Variants in MSH3 observed in about 807,000 individuals in gnomAD.
MSH3 encodes the protein DNA mismatch repair protein Msh3.
A neutral mutation model predicts 123.3 loss-of-function variants in MSH3; 106 were observed. That is an observed-to-expected ratio of 0.86 (90% confidence interval 0.73 to 1.01). MSH3 has a LOEUF of 1.01. Among genes scored for constraint, MSH3 ranks in the 50% least tolerant of loss-of-function variants. The pLI, the probability that MSH3 is intolerant of heterozygous loss-of-function variation, is 0.00. For missense variants in MSH3, 1,459 were observed against 1,347.6 expected, an observed-to-expected ratio of 1.08 and a Z score of -1.29; for synonymous variants, 515 against 481.4, an observed-to-expected ratio of 1.07 and a Z score of -0.91.
At chr5:80,811,717 GGATTGTTA>G (rs1343259014) in intron 19 of MSH3, among the ~76,000 whole-genome samples, 1 of 151,978 alleles carries the variant, frequency 6.6e-6, no homozygotes, top group Non-Finnish European at 1.5e-5. Flanking sequence ...AATAAATATA[GGATTGTTA>G]GATTTTCTAT....
At chr5:80,799,768 A>G (rs755123960) in intron 19 of MSH3, among the ~76,000 whole-genome samples, 1 of 151,954 alleles carries the variant, frequency 6.6e-6, no homozygotes, top group Non-Finnish European at 1.5e-5. Flanking sequence ...TTCACTTAAC[A>G]TTCCAGTTCT....
chr5:80,761,732 C>T, intron 13 of MSH3, 54 bp downstream of exon 13: 1 of 1,601,360 alleles, frequency 6.2e-7, no homozygotes, highest in Non-Finnish European at 8.5e-7. Flanking sequence ...CTTGAGGACA[C>T]TATATATTAA....
intron 3 of MSH3, among the ~76,000 whole-genome samples, chr5:80,668,071 C>T (rs1262461903): frequency 1.3e-5 from 2 of 152,152 alleles, no homozygotes; most frequent in Non-Finnish European, 2.9e-5. Flanking sequence ...GTGGGTGCTT[C>T]TTTCTGCAGG....
chr5:80,806,082 A>G (rs549862979), intron 19 of MSH3, among the ~76,000 whole-genome samples: 38 of 152,192 alleles, frequency 2.5e-4, no homozygotes, highest in African/African-American at 7.5e-4. Flanking sequence ...TCATTAATCA[A>G]TCTACTCAGA....
chr5:80,685,388 A>G (rs149254814), intron 8 of MSH3, among the ~76,000 whole-genome samples: 1 of 151,434 alleles, frequency 6.6e-6, no homozygotes, highest in African/African-American at 2.4e-5. Context: ...TTCGTGGTTC[A>G]ATCTTGGTGG....
In MSH3 at chr5:80,798,244, C is replaced by G. The variant is rs959919476; in HGVS notation, c.2655+5400C>G. ...AGGGTAGACATTGAGATGCTAGTCA[C>G]AGTCCCTTCTTGTGAGATCAAGATG... On this transcript the variant is annotated intron_variant, in intron 19 of 23. Transcript: ENST00000265081. 5.9e-5 allele frequency among the ~76,000 whole-genome samples: 9 copies of G among 152,262 alleles called. 2 individuals are homozygous for G. The highest frequency in any genetic ancestry group is 4.6e-4 in the Admixed American group (7 of 15,298).
intron 8 of MSH3, among the ~76,000 whole-genome samples, chr5:80,680,282 A>G (rs916042887): frequency 6.6e-6 from 1 of 152,090 alleles, no homozygotes; most frequent in Non-Finnish European, 1.5e-5. Context: ...AAGAAAATCA[A>G]ACTGATTGAT....
At position 80,730,894 on chromosome 5, in the gene MSH3, A is replaced by ATT. The variant is rs59224150; in HGVS notation, c.1568+1941_1568+1942dup. ...GTCCTCCTCATATATATATATATAT[A>ATT]TTTTTTTTTTTTTCTTTTTTTTTTT... is the stretch of plus-strand genomic sequence containing the variant. On this transcript the variant is annotated intron_variant, in intron 10 of 23. Coordinates refer to ENST00000265081, the MANE Select transcript of MSH3 (RefSeq NM_002439.5). Among the ~76,000 whole-genome samples, 244 of 127,750 alleles carry ATT rather than the reference A, an allele frequency of 1.9e-3. 2 individuals carry two copies. Among genetic ancestry groups the ATT allele is most frequent in the African/African-American group, 5.1e-3 (170 of 33,012 alleles). 83.8% of individuals were successfully genotyped at this position (127,750 alleles called of 152,430 possible).
chr5:80,720,547 GAGA>G (rs1318270899), intron 8 of MSH3, among the ~76,000 whole-genome samples: 1 of 151,882 alleles, frequency 6.6e-6, no homozygotes. Context: ...CGTTCATTCT[GAGA>G]AGTTTTCCTT....
In MSH3 at chr5:80,654,977, TGGGACTGGGCAGGGCCATC is replaced by T; in HGVS notation, c.237+17_237+35del. 7.0e-7 allele frequency: 1 copy of T among 1,430,288 alleles called. No homozygotes were observed. The highest frequency in any genetic ancestry group is 9.2e-7 in the Non-Finnish European group (1 of 1,086,658). The allele number at this position is 1,430,288 out of a possible 1,614,324, so 88.6% of individuals were successfully genotyped here. A position where few individuals can be genotyped will look rare whatever the true frequency, so the allele number is the denominator to read the frequency against. On this transcript the variant is annotated intron_variant, in intron 1 of 23. Coordinates refer to ENST00000265081, the MANE Select transcript of MSH3 (RefSeq NM_002439.5). Reference sequence around the variant, plus strand: ...GCCGCCGCACATAGTAGGTTCTGTCTGGGACTGGGCAGGGCCATCGGGGCTGGGGGGGCGGGGCTTGTGG... The same window carrying T: ...GCCGCCGCACATAGTAGGTTCTGTCTGGGGCTGGGGGGGCGGGGCTTGTGG...
chr5:80,856,564 G>C lies in MSH3; in HGVS notation c.3000+2248G>C, dbSNP rs112954661. 3.9e-3 allele frequency among the ~76,000 whole-genome samples: 413 copies of C among 104,926 alleles called. 1 individual carries two copies. Among genetic ancestry groups the C allele is most frequent in the African/African-American group, 0.014 (378 of 27,202 alleles). The allele number at this position is 104,926 out of a possible 152,430, so 68.8% of individuals were successfully genotyped here. ...TGGGGCCTGTTGTGGGGTGGGGGGAGGGGGGAGGGATAGCATTAGGAGATA... is the reference window on the plus strand; with the variant it reads ...TGGGGCCTGTTGTGGGGTGGGGGGACGGGGGAGGGATAGCATTAGGAGATA... On this transcript the variant is annotated intron_variant, in intron 21 of 23. Transcript: ENST00000265081.
At chr5:80,692,411 A>G (rs1370230282) in intron 8 of MSH3, among the ~76,000 whole-genome samples, 378 of 31,246 alleles carry the variant, frequency 0.012, no homozygotes, top group Non-Finnish European at 0.014. Context: ...TAGATAGATA[A>G]ACATGTATAT....
At chr5:80,697,745 A>G (rs1375233330) in intron 8 of MSH3, among the ~76,000 whole-genome samples, 1 of 152,142 alleles carries the variant, frequency 6.6e-6, no homozygotes, top group African/African-American at 2.4e-5. Context: ...AGAAATATAG[A>G]TGAATTTGAA....
intron 12 of MSH3, among the ~76,000 whole-genome samples, chr5:80,758,713 A>G (rs1047715503): frequency 1.3e-5 from 2 of 152,180 alleles, no homozygotes; most frequent in African/African-American, 4.8e-5. Flanking sequence ...TCTCTAAGAA[A>G]TTTATAGTTT....
rs778162840 is a variant in MSH3 at position 80,679,003 on chromosome 5, G to A, written c.1250G>A (p.Arg417Gln). 3.0e-5 allele frequency: 49 copies of A among 1,614,102 alleles called. No individual in the cohort carries two copies. The highest frequency in any genetic ancestry group is 3.0e-4 in the South Asian group (27 of 91,076). ...GCTTCTCGTTCAGAGCTAGAAACCC[G>A]GATGTCAAGCCTGCAGCCAGTAGAG... ...DSASRSELET[R>Q]MSSLQPVELL... The change falls in exon 8 of 24, where the codon CGG (arginine) becomes CAG (glutamine). Residue 417 changes from arginine to glutamine, a missense_variant. Transcript: ENST00000265081.
rs75603947 is a variant in MSH3 at position 80,662,840 on chromosome 5, A to T, written c.359-2303A>T. On this transcript the variant is annotated intron_variant, in intron 2 of 23. Coordinates refer to ENST00000265081, the MANE Select transcript of MSH3 (RefSeq NM_002439.5). The stretch of plus-strand genomic sequence containing the variant: ...AGACTCTGTCTCAAAAAAAAAAAAA[A>T]TTTTATTTGGGAAGCAAGAATTGCA... Among the ~76,000 whole-genome samples, 11 of 149,554 alleles carry T rather than the reference A, an allele frequency of 7.4e-5. No individual in the cohort carries two copies. In the East Asian group the frequency reaches 1.2e-3, roughly 16 times the overall value.
At chr5:80,858,793 T>G (rs1745961609) in intron 21 of MSH3, among the ~76,000 whole-genome samples, 1 of 152,224 alleles carries the variant, frequency 6.6e-6, no homozygotes, top group Non-Finnish European at 1.5e-5. Flanking sequence ...CTGTTTCAGA[T>G]GGAGGAATTT....
chr5:80,703,520 G>C (rs911720740), intron 8 of MSH3, among the ~76,000 whole-genome samples: 4 of 152,046 alleles, frequency 2.6e-5, no homozygotes, highest in Non-Finnish European at 5.9e-5. Flanking sequence ...TATTCCTCCA[G>C]AGAGACACAT....
intron 17 of MSH3, among the ~76,000 whole-genome samples, chr5:80,784,240 G>GAAAAAAAAAAAAAAAAAAAAAAAAAAAAA (rs1561477481): frequency 4.2e-5 from 3 of 70,642 alleles, no homozygotes; most frequent in African/African-American, 6.0e-5. Flanking sequence ...AAAAAAAAAA[G>GAAAAAAAAAAAAAAAAAAAAAAAAAAAAA]GGAAATAAAT....
Sources: allele counts gnomAD v4.1 joint callset (sites outside exome capture counted in the v4.1 genomes callset), GRCh38; gene constraint gnomAD v4.1.1; transcripts MANE v1.5; gene names NCBI Gene and HGNC (gene_info 2026-07-23, HGNC 2026-07-21).